The following SHROOM3 variants were observed in gnomAD, a reference collection of about 807,000 sequenced individuals.
SHROOM3 encodes the protein shroom family member 3.
SHROOM3 carries 47 observed loss-of-function variants against 138.6 expected under a neutral mutation model. The observed-to-expected ratio is 0.34, with a 90% confidence interval of 0.27 to 0.43. The LOEUF is 0.43. SHROOM3 is among the 20% of genes least tolerant of loss of function. SHROOM3 has a pLI of 1.00. For missense variants in SHROOM3, 2,491 were observed against 2,596.5 expected, an observed-to-expected ratio of 0.96 and a Z score of 0.88; for synonymous variants, 1,062 against 1,063.3, an observed-to-expected ratio of 1.00 and a Z score of 0.02.
At chr4:76,517,977 T>C (rs531195119) in intron 1 of SHROOM3, among the ~76,000 whole-genome samples, 2 of 152,332 alleles carry the variant, frequency 1.3e-5, no homozygotes, top group South Asian at 4.1e-4. Flanking sequence ...GTAAATGATA[T>C]GAATTGACTG....
chr4:76,597,127 G>A (rs971774403), intron 2 of SHROOM3, among the ~76,000 whole-genome samples: 5 of 152,184 alleles, frequency 3.3e-5, no homozygotes, highest in Admixed American at 6.5e-5. Flanking sequence ...AAGAGACTCA[G>A]CAAAAGAGAC....
intron 2 of SHROOM3, chr4:76,688,317 A>C (rs1024685911): frequency 2.0e-5 from 18 of 906,364 alleles, no homozygotes; most frequent in Non-Finnish European, 2.4e-5. Flanking sequence ...AGTGGTTGCC[A>C]TGGCTGCTAA....
intron 1 of SHROOM3, among the ~76,000 whole-genome samples, chr4:76,464,150 G>C (rs1731200879): frequency 6.6e-6 from 1 of 152,224 alleles, no homozygotes; most frequent in African/African-American, 2.4e-5. Context: ...GAAAGCAGCT[G>C]TGGGGGCCAT....
chr4:76,588,653 G>T (rs1193292275), intron 2 of SHROOM3, among the ~76,000 whole-genome samples: 1 of 152,122 alleles, frequency 6.6e-6, no homozygotes, highest in African/African-American at 2.4e-5. Flanking sequence ...GGGTTGGGGA[G>T]GCCTGTAGGT....
intron 1 of SHROOM3, among the ~76,000 whole-genome samples, chr4:76,531,201 C>T (rs886264860): frequency 1.3e-5 from 2 of 152,134 alleles, no homozygotes; most frequent in African/African-American, 4.8e-5. Flanking sequence ...AATAGGATAA[C>T]CCAGTAACGT....
intron 2 of SHROOM3, among the ~76,000 whole-genome samples, chr4:76,644,765 T>C (rs535630047): frequency 6.6e-6 from 1 of 152,208 alleles, no homozygotes; most frequent in Non-Finnish European, 1.5e-5. Context: ...TTCATCTGGA[T>C]TCACGTTCTT....
chr4:76,581,497 C>G (rs994432473), intron 2 of SHROOM3, among the ~76,000 whole-genome samples: 4 of 152,118 alleles, frequency 2.6e-5, no homozygotes, highest in Admixed American at 2.0e-4. Context: ...TTGGACTTAA[C>G]TGACATCTTT....
chr4:76,647,263 G>C (rs1408920617), intron 2 of SHROOM3, among the ~76,000 whole-genome samples: 1 of 152,130 alleles, frequency 6.6e-6, no homozygotes, highest in East Asian at 1.9e-4. Context: ...GGCTGGGAAG[G>C]GTAAGTGGGT....
Position 76,730,924 on chromosome 4 carries a change from C to G in SHROOM3, c.576C>G (p.Ser192Arg), listed in dbSNP as rs1037505885. ...TGATCGGCCCTCCTTGGCACCAAAGCTACCATTCCAGGTAAGTGGCTATAG... is the reference window on the plus strand; with the variant it reads ...TGATCGGCCCTCCTTGGCACCAAAGGTACCATTCCAGGTAAGTGGCTATAG... The part of the protein sequence containing the change: ...QGMIGPPWHQ[S>R]YHSSSSTSDL... Residue 192 changes from serine to arginine, a missense_variant, in exon 4 of 11, where the codon AGC becomes AGG. By Grantham distance (110) the Ser-to-Arg change is moderately radical. Around this residue, in one of 4 missense-constraint regions of SHROOM3, gnomAD observed 284 missense variants for 322.8 expected, o/e 0.88. Transcript: ENST00000296043. 2 of 1,613,994 alleles carry G rather than the reference C, an allele frequency of 1.2e-6. No individual in the cohort carries two copies. The highest frequency in any genetic ancestry group is 2.7e-5 in the African/African-American group (2 of 74,918).
At chr4:76,660,426 T>A (rs1027595837) in intron 2 of SHROOM3, among the ~76,000 whole-genome samples, 3 of 152,132 alleles carry the variant, frequency 2.0e-5, no homozygotes, top group African/African-American at 7.2e-5. Flanking sequence ...CATCAACACC[T>A]CAGCGATAAC....
Position 76,742,375 on chromosome 4 carries a change from T to C in SHROOM3, c.3753+449T>C, listed in dbSNP as rs151295428. 3.6e-3 allele frequency among the ~76,000 whole-genome samples: 555 copies of C among 152,278 alleles called. 4 individuals carry two copies. The highest frequency in any genetic ancestry group is 0.012 in the African/African-American group (509 of 41,552). ...CTAGAATGATTGACATTGATAGTCA[T>C]TGGTTATTGAATTCCTGGCCCTCAG... On this transcript the variant is annotated intron_variant, in intron 5 of 10. Coordinates refer to ENST00000296043, the MANE Select transcript of SHROOM3 (RefSeq NM_020859.4).
intron 2 of SHROOM3, chr4:76,688,590 GA>G (rs1466815468): frequency 3.1e-5 from 31 of 985,192 alleles, no homozygotes; most frequent in Non-Finnish European, 3.7e-5. Context: ...ACTCTGAGGG[GA>G]AAAAATTCCT....
At chr4:76,495,592 A>G (rs1731948663) in intron 1 of SHROOM3, among the ~76,000 whole-genome samples, 1 of 152,194 alleles carries the variant, frequency 6.6e-6, no homozygotes, top group African/African-American at 2.4e-5. Flanking sequence ...CTTGTAATGA[A>G]TCCCTGTCTC....
chr4:76,541,552 G>T (rs960684387), intron 1 of SHROOM3, among the ~76,000 whole-genome samples: 1 of 151,912 alleles, frequency 6.6e-6, no homozygotes, highest in Non-Finnish European at 1.5e-5. Flanking sequence ...AACGGCAGGG[G>T]CTTGGGGAAT....
chr4:76,521,279 T>TATATGTGTGTGTGTGCGCAC (rs1159378224), intron 1 of SHROOM3, among the ~76,000 whole-genome samples: 3 of 77,680 alleles, frequency 3.9e-5, no homozygotes, highest in African/African-American at 5.6e-5. Flanking sequence ...TGTGTGTATG[T>TATATGTGTGTGTGTGCGCAC]ATATGTGTGT....
chr4:76,718,444 A>G (rs949671626), intron 3 of SHROOM3, among the ~76,000 whole-genome samples: 1 of 152,194 alleles, frequency 6.6e-6, no homozygotes, highest in Non-Finnish European at 1.5e-5. Context: ...TTTTTATTTC[A>G]GTTCCAGTAA....
chr4:76,452,205 C>CT (rs1730939953), intron 1 of SHROOM3, among the ~76,000 whole-genome samples: 1 of 152,192 alleles, frequency 6.6e-6, no homozygotes, highest in African/African-American at 2.4e-5. Flanking sequence ...ACATTTTAAA[C>CT]TTTTTGTGGT....
At chr4:76,501,620 T>G (rs1732097866) in intron 1 of SHROOM3, among the ~76,000 whole-genome samples, 1 of 152,278 alleles carries the variant, frequency 6.6e-6, no homozygotes, top group East Asian at 1.9e-4. Context: ...AGCTGGGGTC[T>G]TTCAGCCCTA....
intron 1 of SHROOM3, among the ~76,000 whole-genome samples, chr4:76,470,304 T>C (rs369597650): frequency 1.3e-5 from 2 of 152,190 alleles, no homozygotes; most frequent in Non-Finnish European, 2.9e-5. Context: ...ATTTGATACT[T>C]GAAAACCAGT....
Sources: gnomAD v4.1 joint callset for allele counts (sites outside exome capture counted in the v4.1 genomes callset) on GRCh38, gnomAD v4.1.1 for gene constraint, gnomAD v4.1.1 regional missense constraint, MANE v1.5 for transcripts, NCBI Gene and HGNC (gene_info 2026-07-23, HGNC 2026-07-21) for gene names.